Variants in PPFIA2 observed in about 807,000 individuals in gnomAD.
The protein encoded by PPFIA2 is PPFI scaffold protein A2.
PPFIA2 carries 46 observed loss-of-function variants against 175.5 expected under a neutral mutation model. That is an observed-to-expected ratio of 0.26 (90% CI 0.21 to 0.34). PPFIA2 has a LOEUF of 0.34. PPFIA2 is among the 10% of genes least tolerant of loss of function. The probability of loss-of-function intolerance (pLI) is 1.00; values close to 1 mark genes in which losing one functional copy is unlikely to be tolerated. For synonymous variants in PPFIA2, 568 were observed against 511.4 expected (o/e 1.11, Z -1.49); for missense variants, 1,179 against 1,506.1 (o/e 0.78, Z 3.60).
At chr12:81,340,864 A>T (rs1025380966) in intron 20 of PPFIA2, among the ~76,000 whole-genome samples, 1 of 152,128 alleles carries the variant, frequency 6.6e-6, no homozygotes, top group Non-Finnish European at 1.5e-5. Flanking sequence ...ATTGACCAAT[A>T]ATAAGACCAC....
chr12:81,713,388 GAGTATGA>G (rs1167205749), intron 3 of PPFIA2, among the ~76,000 whole-genome samples: 1 of 151,058 alleles, frequency 6.6e-6, no homozygotes, highest in African/African-American at 2.4e-5. Context: ...TACTCTGGAA[GAGTATGA>G]TCTCTAGTTA....
chr12:81,429,112 C>T (rs2047657804), intron 7 of PPFIA2, among the ~76,000 whole-genome samples: 1 of 152,074 alleles, frequency 6.6e-6, no homozygotes, highest in East Asian at 1.9e-4. Context: ...ATAAGCTAAT[C>T]AGTGGAATTA....
intron 5 of PPFIA2, among the ~76,000 whole-genome samples, chr12:81,448,807 C>T (rs565733154): frequency 6.6e-6 from 1 of 152,246 alleles, no homozygotes; most frequent in African/African-American, 2.4e-5. Flanking sequence ...AACTCAAATG[C>T]CACTTTTCAA....
chr12:81,480,724 G>A (rs1232882878), intron 4 of PPFIA2, among the ~76,000 whole-genome samples: 1 of 152,064 alleles, frequency 6.6e-6, no homozygotes, highest in Non-Finnish European at 1.5e-5. Flanking sequence ...CTGTTTGCCT[G>A]GGTATCACCA....
At chr12:81,658,620 A>G (rs2068197772) in intron 4 of PPFIA2, among the ~76,000 whole-genome samples, 1 of 152,008 alleles carries the variant, frequency 6.6e-6, no homozygotes, top group African/African-American at 2.4e-5. Context: ...AAGATCAAGA[A>G]ACCTGTTCTA....
At chr12:81,346,934 A>G (rs1389285265) in intron 18 of PPFIA2, among the ~76,000 whole-genome samples, 1 of 151,666 alleles carries the variant, frequency 6.6e-6, no homozygotes, top group East Asian at 1.9e-4. Flanking sequence ...AAATTATTTT[A>G]TTTTATTTTT....
At chr12:81,671,708 C>A (rs1025919296) in intron 4 of PPFIA2, among the ~76,000 whole-genome samples, 16 of 151,930 alleles carry the variant, frequency 1.1e-4, no homozygotes, top group African/African-American at 3.6e-4. Flanking sequence ...TTCTATCTCA[C>A]CTTTATCTGC....
chr12:81,344,311 AAAC>A (rs1480088049), intron 19 of PPFIA2, among the ~76,000 whole-genome samples: 2 of 150,910 alleles, frequency 1.3e-5, no homozygotes, highest in African/African-American at 4.9e-5. Flanking sequence ...AAATATTTGA[AAAC>A]AACGAGCATT....
At chr12:81,513,323 A>G (rs1007439200) in intron 4 of PPFIA2, among the ~76,000 whole-genome samples, 5 of 152,054 alleles carry the variant, frequency 3.3e-5, no homozygotes, top group African/African-American at 1.2e-4. Context: ...TAGTACAACC[A>G]CTATGGAAAA....
At chr12:81,264,509 T>C (rs559942311) in intron 30 of PPFIA2, among the ~76,000 whole-genome samples, 1 of 152,136 alleles carries the variant, frequency 6.6e-6, no homozygotes, top group Admixed American at 6.5e-5. Context: ...GTATATGTTG[T>C]GTATCCTAAT....
chr12:81,518,533 A>C (rs1259092093), intron 4 of PPFIA2, among the ~76,000 whole-genome samples: 1 of 152,136 alleles, frequency 6.6e-6, no homozygotes, highest in East Asian at 1.9e-4. Flanking sequence ...CATCATGGTA[A>C]GCACTTTCTT....
Position 81,642,673 on chromosome 12 carries a change from A to ACGTATGTATATATTATATACATACACG in PPFIA2, c.303+34117_303+34118insCGTGTATGTATATAATATATACATACG, listed in dbSNP as rs1555549134. ...ATGTATGTATCTATTATATACATAC[A>ACGTATGTATATATTATATACATACACG]TGTATGTATCTATTATATACATACA... On this transcript the variant is annotated intron_variant, in intron 4 of 32. Coordinates refer to ENST00000549396, the MANE Select transcript of PPFIA2 (RefSeq NM_003625.5). Among the ~76,000 whole-genome samples, 14 of 28,416 alleles carry ACGTATGTATATATTATATACATACACG rather than the reference A, an allele frequency of 4.9e-4. 5 individuals are homozygous for ACGTATGTATATATTATATACATACACG. Among genetic ancestry groups the ACGTATGTATATATTATATACATACACG allele is most frequent in the African/African-American group, 3.8e-3 (14 of 3,728 alleles). 18.6% of individuals were successfully genotyped at this position (28,416 alleles called of 152,430 possible).
chr12:81,306,547 T>G (rs1477412892), intron 22 of PPFIA2, among the ~76,000 whole-genome samples: 171 of 145,086 alleles, frequency 1.2e-3, no homozygotes, highest in Non-Finnish European at 1.9e-3. Context: ...CGTTGTTTTT[T>G]TTTTTTTTTT....
chr12:81,519,019 G>A (rs2062796321), intron 4 of PPFIA2, among the ~76,000 whole-genome samples: 1 of 152,064 alleles, frequency 6.6e-6, no homozygotes, highest in African/African-American at 2.4e-5. Context: ...ATTGTGTAAA[G>A]CCAATGATAT....
intron 28 of PPFIA2, among the ~76,000 whole-genome samples, chr12:81,275,615 T>C (rs1398850918): frequency 2.0e-5 from 3 of 152,164 alleles, no homozygotes; most frequent in Non-Finnish European, 2.9e-5. Context: ...GATTCATGCC[T>C]ACCCTTGAAC....
At chr12:81,547,474 C>G (rs1335672904) in intron 4 of PPFIA2, among the ~76,000 whole-genome samples, 1 of 151,962 alleles carries the variant, frequency 6.6e-6, no homozygotes, top group Non-Finnish European at 1.5e-5. Flanking sequence ...CTCCCTGGTT[C>G]AAGCGATTCT....
At position 81,642,848 on chromosome 12, in the gene PPFIA2, T is replaced by C. The variant is rs183775035; in HGVS notation, c.303+33943A>G. On this transcript the variant is annotated intron_variant, in intron 4 of 32. Coordinates refer to ENST00000549396, the MANE Select transcript of PPFIA2 (RefSeq NM_003625.5). ...TATGTATGTATGTATTACATACATATATAACATGTATTACATATGTGTTGT... is the reference window on the plus strand; with the variant it reads ...TATGTATGTATGTATTACATACATACATAACATGTATTACATATGTGTTGT... Among the ~76,000 whole-genome samples, 132 of 136,190 alleles carry C rather than the reference T, an allele frequency of 9.7e-4. 9 individuals are homozygous for C. The highest frequency in any genetic ancestry group is 0.011 in the Middle Eastern group (1 of 92). 89.3% of individuals were successfully genotyped at this position (136,190 alleles called of 152,430 possible).
intron 4 of PPFIA2, among the ~76,000 whole-genome samples, chr12:81,488,114 TG>T (rs2059029874): frequency 6.6e-6 from 1 of 151,920 alleles, no homozygotes; most frequent in Admixed American, 6.6e-5. Flanking sequence ...TAGGGAGGTT[TG>T]ATGGTCTATA....
At chr12:81,309,886 A>C (rs185307262) in intron 22 of PPFIA2, among the ~76,000 whole-genome samples, 5 of 152,062 alleles carry the variant, frequency 3.3e-5, no homozygotes, top group African/African-American at 1.2e-4. Context: ...CATACACACA[A>C]ATATGATTGA....
Sources: allele counts gnomAD v4.1 joint callset (sites outside exome capture counted in the v4.1 genomes callset), GRCh38; gene constraint gnomAD v4.1.1; transcripts MANE v1.5; gene names NCBI Gene and HGNC (gene_info 2026-07-23, HGNC 2026-07-21).